CTNNBL1: variants seen among roughly 807,000 people sequenced by gnomAD.
The protein encoded by CTNNBL1 is catenin beta like 1, also known as beta-catenin-like protein 1.
A neutral mutation model predicts 72.7 loss-of-function variants in CTNNBL1; 31 were observed. The ratio of observed to expected loss-of-function variants is 0.43; its 90% CI spans 0.32 to 0.58. The LOEUF is 0.58. Ranked by LOEUF, CTNNBL1 falls within the 20% of genes least tolerant of loss-of-function variation. The pLI, the probability that CTNNBL1 is intolerant of heterozygous loss-of-function variation, is 0.08. For missense variants in CTNNBL1, 534 were observed against 725.1 expected (o/e 0.74, Z 3.03); for synonymous variants, 240 against 267.3 (o/e 0.90, Z 1.00).
intron 13 of CTNNBL1, among the ~76,000 whole-genome samples, chr20:37,857,961 C>CG (rs2072457585): frequency 6.6e-6 from 1 of 152,100 alleles, no homozygotes; most frequent in Non-Finnish European, 1.5e-5. Context: ...GAGGCCAAGG[C>CG]GGGAGGATCA....
At chr20:37,796,920 G>T (rs1188504407) in intron 10 of CTNNBL1, among the ~76,000 whole-genome samples, 2 of 152,106 alleles carry the variant, frequency 1.3e-5, no homozygotes, top group Non-Finnish European at 2.9e-5. Flanking sequence ...CGGTTTATTG[G>T]CTGTGCACAG....
intron 13 of CTNNBL1, among the ~76,000 whole-genome samples, chr20:37,851,229 T>C (rs2072394442): frequency 6.6e-6 from 1 of 152,208 alleles, no homozygotes; most frequent in Non-Finnish European, 1.5e-5. Context: ...TTCTACCGAA[T>C]GCACCATTCG....
chr20:37,829,749 C>T (rs2072191734), intron 11 of CTNNBL1, among the ~76,000 whole-genome samples: 1 of 152,138 alleles, frequency 6.6e-6, no homozygotes, highest in Admixed American at 6.5e-5. Context: ...TCCTACCATT[C>T]TTAGCTCCTC....
chr20:37,725,118 G>T (rs1324063568), intron 1 of CTNNBL1, among the ~76,000 whole-genome samples: 1 of 152,006 alleles, frequency 6.6e-6, no homozygotes. Flanking sequence ...TGTTGCTCAG[G>T]CTGGTCTCGA....
At chr20:37,856,200 C>CAAAAA (rs72145244) in intron 13 of CTNNBL1, among the ~76,000 whole-genome samples, 1 of 139,008 alleles carries the variant, frequency 7.2e-6, no homozygotes, top group Non-Finnish European at 1.5e-5. Flanking sequence ...AACTCCTTCT[C>CAAAAA]AAAAAAAAAA....
At chr20:37,833,021 C>T (rs558560338) in intron 11 of CTNNBL1, among the ~76,000 whole-genome samples, 19 of 152,222 alleles carry the variant, frequency 1.2e-4, no homozygotes, top group South Asian at 6.2e-4. Flanking sequence ...GTATGTGTTT[C>T]GGGAGGGTAG....
intron 10 of CTNNBL1, among the ~76,000 whole-genome samples, chr20:37,801,854 C>T (rs1198217876): frequency 5.3e-5 from 8 of 151,974 alleles, no homozygotes; most frequent in Admixed American, 5.2e-4. Context: ...CTAGCCAGGG[C>T]GATTAGGCAA....
At chr20:37,838,215 T>G (rs987725953) in intron 11 of CTNNBL1, among the ~76,000 whole-genome samples, 1 of 152,210 alleles carries the variant, frequency 6.6e-6, no homozygotes, top group South Asian at 2.1e-4. Context: ...TGGAGTGTTT[T>G]AAACAGACCT....
At chr20:37,854,832 G>T (rs1474152534) in intron 13 of CTNNBL1, among the ~76,000 whole-genome samples, 1 of 151,618 alleles carries the variant, frequency 6.6e-6, no homozygotes. Flanking sequence ...CAAGTGATTC[G>T]CCCACCTCAG....
chr20:37,774,363 TG>T (rs1376688812), intron 7 of CTNNBL1, among the ~76,000 whole-genome samples: 1 of 152,170 alleles, frequency 6.6e-6, no homozygotes, highest in African/African-American at 2.4e-5. Context: ...CATTGGGCCT[TG>T]GCATCTTTGA....
intron 1 of CTNNBL1, among the ~76,000 whole-genome samples, chr20:37,714,969 T>C (rs1475739716): frequency 3.3e-5 from 5 of 152,168 alleles, no homozygotes; most frequent in Non-Finnish European, 1.5e-5. Flanking sequence ...CCAAAGTCCA[T>C]ACTCTTTTCA....
At chr20:37,694,246 C>A (rs1302464893) in intron 1 of CTNNBL1, 94 bp downstream of exon 1, 3 of 1,141,380 alleles carry the variant, frequency 2.6e-6, no homozygotes, top group Non-Finnish European at 3.6e-6. Flanking sequence ...TCTCGCCTCA[C>A]TCCCGGGCCC....
chr20:37,701,965 C>T (rs541967056), intron 1 of CTNNBL1, among the ~76,000 whole-genome samples: 2 of 152,184 alleles, frequency 1.3e-5, no homozygotes, highest in South Asian at 4.1e-4. Context: ...TGGCGTAATA[C>T]ATCGTACGCA....
chr20:37,793,043 G>A (rs934157035), intron 10 of CTNNBL1, among the ~76,000 whole-genome samples: 2 of 152,098 alleles, frequency 1.3e-5, no homozygotes, highest in Non-Finnish European at 2.9e-5. Context: ...ATTAAGACTT[G>A]TTTTTGGCCC....
chr20:37,712,677 A>G (rs2072949306), intron 1 of CTNNBL1, among the ~76,000 whole-genome samples: 1 of 152,258 alleles, frequency 6.6e-6, no homozygotes, highest in Non-Finnish European at 1.5e-5. Context: ...GAAAGGGAAT[A>G]ATTGCCTGCC....
intron 13 of CTNNBL1, among the ~76,000 whole-genome samples, chr20:37,843,703 A>G (rs893791854): frequency 1.3e-5 from 2 of 152,254 alleles, no homozygotes; most frequent in African/African-American, 4.8e-5. Context: ...AACCTGAGGG[A>G]ATGAGGGAAA....
At chr20:37,787,899 C>T (rs779091375) in intron 10 of CTNNBL1, among the ~76,000 whole-genome samples, 2 of 151,992 alleles carry the variant, frequency 1.3e-5, no homozygotes, top group East Asian at 1.9e-4. Context: ...TGTCTATGAA[C>T]GTTTGAAATT....
chr20:37,707,067 C>T (rs2072891616), intron 1 of CTNNBL1, among the ~76,000 whole-genome samples: 2 of 152,236 alleles, frequency 1.3e-5, no homozygotes, highest in Admixed American at 1.3e-4. Flanking sequence ...GTAAACAATG[C>T]TGTAAACAGA....
At chr20:37,823,237 G>A (rs2072126208) in intron 11 of CTNNBL1, among the ~76,000 whole-genome samples, 1 of 152,158 alleles carries the variant, frequency 6.6e-6, no homozygotes, top group South Asian at 2.1e-4. Context: ...AAAGATTATA[G>A]GATGGTTTCA....
Sources: gnomAD v4.1 joint callset for allele counts (sites outside exome capture counted in the v4.1 genomes callset) on GRCh38, gnomAD v4.1.1 for gene constraint, MANE v1.5 for transcripts, NCBI Gene and HGNC (gene_info 2026-07-23, HGNC 2026-07-21) for gene names.